Variants in CENPP observed in about 807,000 individuals in gnomAD.
CENPP encodes the protein centromere protein P.
Under a neutral mutation model 35.6 loss-of-function variants are expected in CENPP, and 24 were observed. That is an observed-to-expected ratio of 0.67 (90% CI 0.49 to 0.95). The LOEUF (loss-of-function observed/expected upper bound fraction) is 0.95. Among genes scored for constraint, CENPP ranks in the 40% least tolerant of loss-of-function variants. The probability of loss-of-function intolerance (pLI) is 0.00; values close to 1 mark genes in which losing one functional copy is unlikely to be tolerated. For missense variants in CENPP, 332 were observed against 345.3 expected, an observed-to-expected ratio of 0.96 and a Z score of 0.31; for synonymous variants, 120 against 125.5, an observed-to-expected ratio of 0.96 and a Z score of 0.29.
intron 5 of CENPP, chr9:92,459,556 T>C: frequency 7.0e-7 from 1 of 1,428,342 alleles, no homozygotes; most frequent in South Asian, 1.3e-5. Flanking sequence ...TGGTCTTTGC[T>C]TGAGGTGTGC....
At position 92,424,562 on chromosome 9, in the gene CENPP, G is replaced by A. The variant is rs545405623; in HGVS notation, c.564+44703G>A. On this transcript the variant is annotated intron_variant, in intron 5 of 7. Transcript: ENST00000375587. The stretch of plus-strand genomic sequence containing the variant: ...AAGGCAAACAAAACTAAATGAAACA[G>A]CATGTACTGATTACTGTTTTTATTT... The A allele has an allele frequency of 6.6e-5, 10 of 152,302 alleles. No individual in the cohort carries two copies. The South Asian group carries it at 1.7e-3, about 25-fold the overall frequency. The allele number at this position is 152,302 out of a possible 1,614,324, so 9.4% of individuals were successfully genotyped here.
chr9:92,469,160 C>T (rs1231342287), intron 5 of CENPP, among the ~76,000 whole-genome samples: 1 of 151,450 alleles, frequency 6.6e-6, no homozygotes, highest in African/African-American at 2.4e-5. Flanking sequence ...GGTGGATCCT[C>T]GGTGGAATCC....
chr9:92,389,690 G>C lies in CENPP; in HGVS notation c.564+9831G>C, dbSNP rs139219434. Reference sequence around the variant, plus strand: ...CTGAGATATGGGTATAAGCTAGGCTGAATGAGCCTAATAGGATGGTTATTT... The same window carrying C: ...CTGAGATATGGGTATAAGCTAGGCTCAATGAGCCTAATAGGATGGTTATTT... On this transcript the variant is annotated intron_variant, in intron 5 of 7. Transcript: ENST00000375587. 289 of 552,008 alleles carry C rather than the reference G, an allele frequency of 5.2e-4. 1 individual carries two copies. The highest frequency in any genetic ancestry group is 4.8e-3 in the African/African-American group (250 of 52,528). 34.2% of individuals were successfully genotyped at this position (552,008 alleles called of 1,614,324 possible). A position where few individuals can be genotyped will look rare whatever the true frequency, so the allele number is the denominator to read the frequency against.
chr9:92,470,098 G>T (rs907277102), intron 5 of CENPP, among the ~76,000 whole-genome samples: 8 of 152,118 alleles, frequency 5.3e-5, no homozygotes, highest in African/African-American at 1.9e-4. Flanking sequence ...CAAAGTGCTG[G>T]GATTATAGGC....
At chr9:92,403,458 C>T (rs758357906) in intron 5 of CENPP, 28 of 1,546,374 alleles carry the variant, frequency 1.8e-5, no homozygotes, top group Non-Finnish European at 2.3e-5. Context: ...GGCCTGCTGA[C>T]TGTGGGACAA....
At chr9:92,328,755 A>G (rs1432346073) in intron 1 of CENPP, among the ~76,000 whole-genome samples, 4 of 152,264 alleles carry the variant, frequency 2.6e-5, no homozygotes, top group Non-Finnish European at 5.9e-5. Flanking sequence ...CAAATCCAAA[A>G]TAGCTCAAAC....
intron 5 of CENPP, among the ~76,000 whole-genome samples, chr9:92,545,613 C>G (rs1436988646): frequency 6.6e-6 from 1 of 152,216 alleles, no homozygotes; most frequent in Non-Finnish European, 1.5e-5. Context: ...ACTGACCGCC[C>G]AAGGGCTGAG....
chr9:92,515,504 T>C (rs374068658), intron 5 of CENPP, among the ~76,000 whole-genome samples: 4 of 152,336 alleles, frequency 2.6e-5, no homozygotes, highest in South Asian at 2.1e-4. Context: ...GGGAATAATA[T>C]TGCCACATGA....
chr9:92,442,618 G>A (rs185175412), intron 5 of CENPP, among the ~76,000 whole-genome samples: 333 of 152,034 alleles, frequency 2.2e-3, no homozygotes, highest in South Asian at 4.4e-3. Context: ...GGGAAGCCGA[G>A]GCAGGTGGAT....
intron 5 of CENPP, among the ~76,000 whole-genome samples, chr9:92,588,488 C>T (rs1243003890): frequency 6.6e-6 from 1 of 151,762 alleles, no homozygotes; most frequent in East Asian, 2.0e-4. Flanking sequence ...CTCCTGACCT[C>T]GTGATCCGCC....
chr9:92,435,411 G>A (rs554668366), intron 5 of CENPP, among the ~76,000 whole-genome samples: 8 of 152,212 alleles, frequency 5.3e-5, no homozygotes, highest in Admixed American at 3.9e-4. Context: ...GAAAGAAACC[G>A]TGTACCCTTT....
intron 5 of CENPP, among the ~76,000 whole-genome samples, chr9:92,594,957 C>T (rs922408896): frequency 2.3e-5 from 3 of 133,308 alleles, no homozygotes; most frequent in East Asian, 4.9e-4. Flanking sequence ...AGTGCAGTGA[C>T]GTGATCTTGG....
intron 5 of CENPP, among the ~76,000 whole-genome samples, chr9:92,407,522 T>C (rs1843337528): frequency 6.6e-6 from 1 of 152,232 alleles, no homozygotes; most frequent in Admixed American, 6.5e-5. Flanking sequence ...GAAAGCTATT[T>C]AGCTTTTACT....
intron 5 of CENPP, chr9:92,464,841 G>T: frequency 9.3e-7 from 1 of 1,078,542 alleles, no homozygotes; most frequent in Non-Finnish European, 1.4e-6. Flanking sequence ...ATACTGCACA[G>T]TTTACAATAT....
chr9:92,544,543 GTTTTT>G (rs74490244), intron 5 of CENPP, among the ~76,000 whole-genome samples: 2 of 116,608 alleles, frequency 1.7e-5, no homozygotes, highest in Non-Finnish European at 3.6e-5. Context: ...TTGTTGAGGG[GTTTTT>G]TTTTTTATCA....
intron 5 of CENPP, among the ~76,000 whole-genome samples, chr9:92,442,773 C>A (rs1167317098): frequency 7.3e-5 from 11 of 150,848 alleles, no homozygotes; most frequent in Admixed American, 2.0e-4. Context: ...GGCGTGAACC[C>A]GGGAGGCGGA....
chr9:92,439,182 A>G (rs893216857), intron 5 of CENPP, among the ~76,000 whole-genome samples: 2 of 152,044 alleles, frequency 1.3e-5, no homozygotes, highest in Non-Finnish European at 2.9e-5. Flanking sequence ...TTTTGCTTCT[A>G]GTTAGAAGTT....
intron 5 of CENPP, among the ~76,000 whole-genome samples, chr9:92,581,331 A>C (rs118185117): frequency 0.017 from 2,660 of 152,286 alleles, 34 homozygotes; most frequent in Non-Finnish European, 0.023. Flanking sequence ...TAAGACATAC[A>C]TTATAGTTTA....
intron 5 of CENPP, among the ~76,000 whole-genome samples, chr9:92,397,558 A>G (rs1393815984): frequency 2.0e-5 from 3 of 152,000 alleles, no homozygotes; most frequent in Admixed American, 6.6e-5. Flanking sequence ...TCAAATTCCT[A>G]ACTTCAGGTG....
Sources: allele counts gnomAD v4.1 joint callset (sites outside exome capture counted in the v4.1 genomes callset), GRCh38; gene constraint gnomAD v4.1.1; transcripts MANE v1.5; gene names NCBI Gene and HGNC (gene_info 2026-07-23, HGNC 2026-07-21).